The following SLC9A3 variants were observed in gnomAD, a reference collection of about 807,000 sequenced individuals.
SLC9A3 encodes the protein sodium/hydrogen exchanger 3.
Under a neutral mutation model 86.8 loss-of-function variants are expected in SLC9A3, and 37 were observed. The observed-to-expected ratio is 0.43, with a 90% CI of 0.33 to 0.56. SLC9A3 has a LOEUF of 0.56. SLC9A3 is among the 20% of genes least tolerant of loss of function. The pLI, the probability that SLC9A3 is intolerant of heterozygous loss-of-function variation, is 0.06. For synonymous variants in SLC9A3, 581 were observed against 528.3 expected, an observed-to-expected ratio of 1.10 and a Z score of -1.37; for missense variants, 1,011 against 1,171.9, an observed-to-expected ratio of 0.86 and a Z score of 2.00.
In SLC9A3 at chr5:483,246, C is replaced by A; in HGVS notation, c.1153+16G>T. The A allele has an allele frequency of 6.5e-7, 1 of 1,528,910 alleles. No individual in the cohort carries two copies. The highest frequency in any genetic ancestry group is 2.5e-5 in the East Asian group (1 of 40,476). 94.7% of individuals were successfully genotyped at this position (1,528,910 alleles called of 1,614,324 possible). A position where few individuals can be genotyped will look rare whatever the true frequency, so the allele number is the denominator to read the frequency against. ...CCCATCGGTGGTCCCACGGCCGCAA[C>A]CCGGCCCCGCCTCACCGATGGCCCG... On this transcript the variant is annotated intron_variant, in intron 6 of 16. Transcript: ENST00000264938.
At chr5:508,432 G>C (rs1184904748) in intron 1 of SLC9A3, among the ~76,000 whole-genome samples, 1 of 131,442 alleles carries the variant, frequency 7.6e-6, no homozygotes, top group Non-Finnish European at 1.6e-5. Context: ...GCCGCAGGGA[G>C]ACGCAGCCCA....
intron 1 of SLC9A3, among the ~76,000 whole-genome samples, chr5:512,307 C>G (rs2084036397): frequency 3.2e-5 from 1 of 31,014 alleles, no homozygotes. Flanking sequence ...AACCGTGGAC[C>G]TTAATTAATA....
At chr5:504,907 TGTGCCTGGAAGAGCAGCAGAC>T (rs1740477570) in intron 1 of SLC9A3, among the ~76,000 whole-genome samples, 1 of 116,704 alleles carries the variant, frequency 8.6e-6, no homozygotes, top group African/African-American at 2.9e-5. Flanking sequence ...CCCGGACGCC[TGTGCCTGGAAGAGCAGCAGAC>T]GCCTGCAGGG....
At position 479,629 on chromosome 5, in the gene SLC9A3, C is replaced by T. The variant is rs1012451019; in HGVS notation, c.1647+207G>A. The T allele has an allele frequency of 2.1e-5, 12 of 569,304 alleles. No homozygotes were observed. The Middle Eastern group carries it at 1.9e-3, about 90-fold the overall frequency. The allele number at this position is 569,304 out of a possible 1,614,324, so 35.3% of individuals were successfully genotyped here. On this transcript the variant is annotated intron_variant, in intron 10 of 16. Transcript: ENST00000264938. ...CGCTCACCCCCACCAGCACCACAGTCACCAGGACTCTGTGACTCAGTTTAC... is the reference window on the plus strand; with the variant it reads ...CGCTCACCCCCACCAGCACCACAGTTACCAGGACTCTGTGACTCAGTTTAC...
chr5:480,213 C>T (rs1477555264), intron 9 of SLC9A3: 3 of 455,958 alleles, frequency 6.6e-6, no homozygotes. Flanking sequence ...TGGCTCAGGA[C>T]ACGGTGGGTG....
At chr5:503,821 C>T (rs1351391718) in intron 1 of SLC9A3, among the ~76,000 whole-genome samples, 2 of 152,220 alleles carry the variant, frequency 1.3e-5, no homozygotes, top group African/African-American at 2.4e-5. Flanking sequence ...GCAAGGAAGG[C>T]GTGTCTGCTG....
intron 1 of SLC9A3, among the ~76,000 whole-genome samples, chr5:511,837 G>C (rs914854677): frequency 6.6e-6 from 1 of 152,232 alleles, no homozygotes; most frequent in Non-Finnish European, 1.5e-5. Context: ...GTTTATAGCA[G>C]CTTTATTCAT....
chr5:476,843 C>T (rs956404124), intron 11 of SLC9A3, among the ~76,000 whole-genome samples, 171 bp from the exon 12 acceptor site: 2 of 152,232 alleles, frequency 1.3e-5, no homozygotes, highest in Non-Finnish European at 2.9e-5. Context: ...CTGGCCAGCC[C>T]CTTCTCCCCT....
intron 2 of SLC9A3, among the ~76,000 whole-genome samples, chr5:488,691 A>AAGAC (rs1218735099): frequency 2.0e-5 from 3 of 152,248 alleles, no homozygotes; most frequent in African/African-American, 2.4e-5. Flanking sequence ...CCATCTGAGC[A>AAGAC]AGACAGACAG....
rs532031023 is a variant in SLC9A3, at chr5:502,837, G to A, written c.212-10766C>T. On this transcript the variant is annotated intron_variant, in intron 1 of 16. Transcript: ENST00000264938. ...ACGACACAGACGGGCGCCGAAAGCC[G>A]CCGTAATGACACAGATGGGCGCTGT... 7.8e-4 allele frequency among the ~76,000 whole-genome samples: 116 copies of A among 148,616 alleles called. 1 individual carries two copies. Among genetic ancestry groups the A allele is most frequent in the Admixed American group, 2.0e-3 (30 of 14,916 alleles).
Position 520,055 on chromosome 5 carries a change from C to T in SLC9A3, c.211+4057G>A, listed in dbSNP as rs577225479. Among the ~76,000 whole-genome samples the T allele has an allele frequency of 7.6e-4, 116 of 152,258 alleles. 1 individual carries two copies. Among genetic ancestry groups the T allele is most frequent in the South Asian group, 2.1e-4 (1 of 4,832 alleles). ...CTCCACTTCGAGAGCCTGCCCCCAC[C>T]GCCCCCACCCAGCCCCACTGTCCTG... On this transcript the variant is annotated intron_variant, in intron 1 of 16. Transcript: ENST00000264938.
At chr5:483,520 G>A in intron 5 of SLC9A3, 38 bp from the exon 6 acceptor site, 5 of 1,467,522 alleles carry the variant, frequency 3.4e-6, no homozygotes, top group Non-Finnish European at 4.7e-6. Context: ...CGGCCACCTG[G>A]CCTGGCGCCC....
intron 10 of SLC9A3, chr5:479,505 C>T: frequency 3.3e-6 from 1 of 305,404 alleles, no homozygotes; most frequent in South Asian, 3.1e-5. Flanking sequence ...GCAGGCAGGG[C>T]TGTATTGGGA....
intron 1 of SLC9A3, among the ~76,000 whole-genome samples, chr5:492,988 T>A (rs1157228085): frequency 6.6e-6 from 1 of 152,154 alleles, no homozygotes; most frequent in Non-Finnish European, 1.5e-5. Context: ...GGACCCCCCG[T>A]GGAGCTTCAC....
intron 15 of SLC9A3, 159 bp downstream of exon 15, chr5:475,402 T>C (rs1165074683): frequency 3.2e-6 from 2 of 624,290 alleles, no homozygotes; most frequent in Non-Finnish European, 5.6e-6. Flanking sequence ...TCCGAGTTGG[T>C]TGAGGGGGCA....
chr5:506,693 C>A (rs778627259), intron 1 of SLC9A3, among the ~76,000 whole-genome samples: 1 of 152,176 alleles, frequency 6.6e-6, no homozygotes, highest in African/African-American at 2.4e-5. Context: ...AAATCAGACT[C>A]CTTCAGAGAG....
chr5:486,031 C>T (rs1230927268), intron 3 of SLC9A3, among the ~76,000 whole-genome samples: 5 of 152,226 alleles, frequency 3.3e-5, no homozygotes, highest in Non-Finnish European at 7.3e-5. Context: ...TTAAGTCTCA[C>T]TTCCCAAATT....
intron 4 of SLC9A3, 62 bp from the exon 5 acceptor site, chr5:484,759 G>A (rs1325755807): frequency 8.5e-6 from 13 of 1,535,112 alleles, no homozygotes; most frequent in African/African-American, 5.5e-5. Context: ...GCCAGGGGCC[G>A]CCTGGTGACC....
intron 3 of SLC9A3, among the ~76,000 whole-genome samples, chr5:487,730 C>T (rs36083128): frequency 0.61 from 92,144 of 152,178 alleles, 28,562 homozygotes; most frequent in African/African-American, 0.7. Context: ...TGCGATGGCA[C>T]GATCTCGGCT....
Sources: allele counts gnomAD v4.1 joint callset (sites outside exome capture counted in the v4.1 genomes callset), GRCh38; gene constraint gnomAD v4.1.1; transcripts MANE v1.5; gene names NCBI Gene and HGNC (gene_info 2026-07-23, HGNC 2026-07-21).